Variants in AFAP1L2 observed in about 807,000 individuals in gnomAD.
The protein encoded by AFAP1L2 is actin filament-associated protein 1-like 2.
A neutral mutation model predicts 99.3 loss-of-function variants in AFAP1L2; 46 were observed. The observed-to-expected ratio is 0.46, with a 90% confidence interval of 0.37 to 0.59. The LOEUF (loss-of-function observed/expected upper bound fraction) is 0.59. Ranked by LOEUF, AFAP1L2 falls within the 20% of genes least tolerant of loss-of-function variation. The pLI, the probability that AFAP1L2 is intolerant of heterozygous loss-of-function variation, is 0.00. For missense variants in AFAP1L2, 959 were observed against 1,034.9 expected, an observed-to-expected ratio of 0.93 and a Z score of 1.01; for synonymous variants, 397 against 419.1, an observed-to-expected ratio of 0.95 and a Z score of 0.64.
chr10:114,297,779 TA>T (rs199966467), intron 16 of AFAP1L2, among the ~76,000 whole-genome samples: 4,412 of 152,286 alleles, frequency 0.029, 235 homozygotes, highest in African/African-American at 0.1. Context: ...TGACCTGCCC[TA>T]CCAAGTTCCC....
intron 1 of AFAP1L2, among the ~76,000 whole-genome samples, chr10:114,404,075 C>T (rs1055636201): frequency 9.9e-5 from 15 of 152,230 alleles, no homozygotes; most frequent in African/African-American, 3.6e-4. Flanking sequence ...GCACGGTTCC[C>T]ACCTTCTTCG....
intron 1 of AFAP1L2, among the ~76,000 whole-genome samples, chr10:114,366,064 G>A (rs535538680): frequency 1.2e-4 from 18 of 152,154 alleles, no homozygotes; most frequent in Non-Finnish European, 2.2e-4. Context: ...TGCTCATCAC[G>A]TACTTGTAAC....
intron 3 of AFAP1L2, among the ~76,000 whole-genome samples, chr10:114,332,955 C>G (rs2047448774): frequency 6.6e-6 from 1 of 152,236 alleles, no homozygotes; most frequent in Non-Finnish European, 1.5e-5. Flanking sequence ...TTATGACTTC[C>G]TGTTCCTGGG....
chr10:114,397,549 G>C (rs573594086), intron 1 of AFAP1L2, among the ~76,000 whole-genome samples: 18 of 152,170 alleles, frequency 1.2e-4, no homozygotes, highest in Non-Finnish European at 1.0e-4. Flanking sequence ...CTAAAGCTTA[G>C]GTCCGGTAAT....
chr10:114,354,984 C>T (rs2051103786), intron 1 of AFAP1L2, among the ~76,000 whole-genome samples: 1 of 152,090 alleles, frequency 6.6e-6, no homozygotes, highest in South Asian at 2.1e-4. Context: ...TAAGGCATAC[C>T]CCAATTTTTC....
intron 1 of AFAP1L2, among the ~76,000 whole-genome samples, chr10:114,374,385 G>A (rs975542560): frequency 6.6e-6 from 1 of 152,206 alleles, no homozygotes; most frequent in East Asian, 1.9e-4. Flanking sequence ...AATGCCAGGG[G>A]CAACAGGACT....
At chr10:114,391,671 T>C (rs2057173068) in intron 1 of AFAP1L2, among the ~76,000 whole-genome samples, 1 of 152,134 alleles carries the variant, frequency 6.6e-6, no homozygotes, top group South Asian at 2.1e-4. Flanking sequence ...ATGAGGGTTG[T>C]ACAAGATGAG....
At chr10:114,333,511 GA>G in intron 2 of AFAP1L2, among the ~76,000 whole-genome samples, 1 of 152,192 alleles carries the variant, frequency 6.6e-6, no homozygotes, top group Non-Finnish European at 1.5e-5. Context: ...TTTCTAGCCT[GA>G]CCGAGGGTGT....
intron 1 of AFAP1L2, among the ~76,000 whole-genome samples, chr10:114,374,443 G>A (rs1406197036): frequency 1.3e-5 from 2 of 152,148 alleles, no homozygotes; most frequent in Non-Finnish European, 2.9e-5. Context: ...ATGCGATCCT[G>A]CCCTGGAGCC....
chr10:114,303,517 G>A lies in AFAP1L2; in HGVS notation c.1285-1033C>T, dbSNP rs190885395. Among the ~76,000 whole-genome samples, 440 of 152,262 alleles carry A rather than the reference G, an allele frequency of 2.9e-3. 2 individuals carry two copies. Among genetic ancestry groups the A allele is most frequent in the Non-Finnish European group, 4.2e-3 (287 of 68,030 alleles). On this transcript the variant is annotated intron_variant, in intron 11 of 18. Transcript: ENST00000304129. Reference sequence around the variant, plus strand: ...AGACAGGGTTTCACCATGTTGGCCAGGCTGGTTTCAAACTCCTGACCTCGG... The same window carrying A: ...AGACAGGGTTTCACCATGTTGGCCAAGCTGGTTTCAAACTCCTGACCTCGG...
intron 1 of AFAP1L2, among the ~76,000 whole-genome samples, chr10:114,343,681 C>T (rs948963800): frequency 3.3e-5 from 5 of 152,298 alleles, no homozygotes; most frequent in South Asian, 2.1e-4. Context: ...GAAGCATCGG[C>T]GGGATCAGTT....
intron 1 of AFAP1L2, among the ~76,000 whole-genome samples, chr10:114,369,451 C>T (rs1590641650): frequency 6.6e-6 from 1 of 151,890 alleles, no homozygotes; most frequent in African/African-American, 2.4e-5. Flanking sequence ...AAAAATTAGC[C>T]GGGCGTGGTG....
chr10:114,297,549 G>A (rs2040450968), intron 16 of AFAP1L2, 136 bp from the exon 17 acceptor site: 5 of 952,012 alleles, frequency 5.3e-6, no homozygotes, highest in South Asian at 1.7e-5. Flanking sequence ...TCAGAGCCAG[G>A]AGGGGCCTGT....
At chr10:114,317,891 A>G (rs909368847) in intron 5 of AFAP1L2, among the ~76,000 whole-genome samples, 2 of 151,844 alleles carry the variant, frequency 1.3e-5, no homozygotes, top group African/African-American at 4.8e-5. Context: ...AGAATGTTAC[A>G]TGCATTAGGA....
At position 114,302,332 on chromosome 10, in the gene AFAP1L2, T is replaced by TACTC. The variant is rs749654747; in HGVS notation, c.1430+3_1430+6dup. The TACTC allele has an allele frequency of 1.2e-6, 2 of 1,613,988 alleles. No homozygotes were observed. Among genetic ancestry groups the TACTC allele is most frequent in the African/African-American group, 2.7e-5 (2 of 74,914 alleles). On this transcript the variant is annotated splice_region_variant and intron_variant, in intron 12 of 18. Transcript: ENST00000304129. The stretch of plus-strand genomic sequence containing the variant: ...GAGTGTACGGAGGAAGGGTCCAAAT[T>TACTC]ACTCACAAGAGAGAGTTTTTGGCCG...
rs777749149 is a variant in AFAP1L2, at chr10:114,300,407, G to A, written c.1788+38C>T. 84 of 1,602,880 alleles carry A rather than the reference G, an allele frequency of 5.2e-5. No individual in the cohort carries two copies. In the South Asian group the frequency reaches 8.3e-4, roughly 16 times the overall value. ...TGACTCAGCTGGCTGAAGGGGCGCA[G>A]GAAGGTGGTCTTGCTGTCCTGCAGG... On this transcript the variant is annotated intron_variant, in intron 14 of 18. Transcript: ENST00000304129.
At position 114,313,981 on chromosome 10, in the gene AFAP1L2, T is replaced by C; in HGVS notation, c.682A>G (p.Lys228Glu). 6.2e-7 allele frequency: 1 copy of C among 1,614,046 alleles called. No homozygotes were observed. Among genetic ancestry groups the C allele is most frequent in the Non-Finnish European group, 8.5e-7 (1 of 1,180,012 alleles). The change falls in exon 7 of 19, where the codon AAG (lysine) becomes GAG (glutamate). Residue 228 changes from lysine (K) to glutamate (E), a missense_variant. Around this residue, in one of 2 missense-constraint regions of AFAP1L2, gnomAD observed 383 missense variants for 472.8 expected, o/e 0.81. Coordinates refer to ENST00000304129, the MANE Select transcript of AFAP1L2 (RefSeq NM_001001936.3). ...TCCTTCTTCCGCACTTGCTTCTCCT[T>C]GTGAATGACGCTGCTGCCCAGTAGG... is the stretch of plus-strand genomic sequence containing the variant. ...VNLLGSSVIH[K>E]EKQVRKKEHK...
At chr10:114,371,931 G>C (rs2054170039) in intron 1 of AFAP1L2, among the ~76,000 whole-genome samples, 1 of 151,962 alleles carries the variant, frequency 6.6e-6, no homozygotes, top group Non-Finnish European at 1.5e-5. Context: ...CCAGTGTATG[G>C]ATAATATGGG....
intron 1 of AFAP1L2, among the ~76,000 whole-genome samples, chr10:114,371,456 C>T (rs1027847377): frequency 2.0e-5 from 3 of 151,810 alleles, no homozygotes; most frequent in East Asian, 1.9e-4. Flanking sequence ...ATCAGTCCCC[C>T]GCGAAAAAAA....
Sources: gnomAD v4.1 joint callset for allele counts (sites outside exome capture counted in the v4.1 genomes callset) on GRCh38, gnomAD v4.1.1 for gene constraint, gnomAD v4.1.1 regional missense constraint, MANE v1.5 for transcripts, NCBI Gene and HGNC (gene_info 2026-07-23, HGNC 2026-07-21) for gene names.